KATNAL2: variants seen among roughly 807,000 people sequenced by gnomAD.
The protein encoded by KATNAL2 is katanin catalytic subunit A1 like 2.
In KATNAL2, 52 loss-of-function variants were observed where a neutral mutation model predicts 76.3. The ratio of observed to expected loss-of-function variants is 0.68; its 90% CI spans 0.55 to 0.86. The LOEUF is 0.86. KATNAL2 is among the 40% of genes least tolerant of loss of function. The pLI, the probability that KATNAL2 is intolerant of heterozygous loss-of-function variation, is 0.00. For synonymous variants in KATNAL2, 243 were observed against 244.2 expected (o/e 1.00, Z 0.05); for missense variants, 660 against 668.9 (o/e 0.99, Z 0.15).
intron 14 of KATNAL2, among the ~76,000 whole-genome samples, chr18:47,076,902 C>T (rs1013266971): frequency 6.6e-6 from 1 of 151,284 alleles, no homozygotes; most frequent in Non-Finnish European, 1.5e-5. Context: ...AAAACATATA[C>T]CTAGCCAGGC....
chr18:46,946,864 C>T lies in KATNAL2; in HGVS notation c.-9C>T, dbSNP rs377608846. ...TTCTCCCTTCTCTAGGGTCCTAGCA[C>T]AGTGTCTGATGGAGCTTTCCTACCA... On this transcript the variant is annotated 5_prime_UTR_variant, in exon 3 of 18. Transcript: ENST00000683218. 1.3e-4 allele frequency: 192 copies of T among 1,535,706 alleles called. No individual in the cohort carries two copies. Among genetic ancestry groups the T allele is most frequent in the Middle Eastern group, 6.7e-4 (4 of 5,958 alleles).
chr18:46,952,806 T>C (rs1053818282), intron 3 of KATNAL2, among the ~76,000 whole-genome samples: 1 of 151,962 alleles, frequency 6.6e-6, no homozygotes, highest in African/African-American at 2.4e-5. Context: ...CTTTCCTTCC[T>C]GCCTGCCTTT....
intron 13 of KATNAL2, among the ~76,000 whole-genome samples, chr18:47,072,850 A>T (rs1242716353): frequency 1.3e-5 from 2 of 152,228 alleles, no homozygotes; most frequent in Non-Finnish European, 2.9e-5. Flanking sequence ...ACTATTATAG[A>T]TAAAGCATGT....
At chr18:47,067,652 G>C in intron 11 of KATNAL2, among the ~76,000 whole-genome samples, 1 of 152,028 alleles carries the variant, frequency 6.6e-6, no homozygotes, top group East Asian at 1.9e-4. Flanking sequence ...TTACAAACTG[G>C]GTAGAAAAAT....
chr18:47,032,942 C>A, intron 3 of KATNAL2: 2 of 1,612,006 alleles, frequency 1.2e-6, no homozygotes, highest in Non-Finnish European at 1.7e-6. Context: ...TTCCCCAACC[C>A]GCATTGACTT....
chr18:47,034,668 G>C, intron 3 of KATNAL2: 3 of 1,613,602 alleles, frequency 1.9e-6, no homozygotes, highest in Non-Finnish European at 2.5e-6. Context: ...CCTGAGCCGC[G>C]TGAGTGTGGC....
chr18:47,054,532 C>A, intron 6 of KATNAL2, 94 bp downstream of exon 6: 3 of 1,251,618 alleles, frequency 2.4e-6, no homozygotes, highest in Non-Finnish European at 3.5e-6. Flanking sequence ...CTGTGACTGT[C>A]TCCCAGCAAT....
chr18:46,920,656 A>G (rs1458823048), intron 1 of KATNAL2, among the ~76,000 whole-genome samples: 2 of 152,218 alleles, frequency 1.3e-5, no homozygotes, highest in Non-Finnish European at 1.5e-5. Context: ...ATACTCCCCA[A>G]TAATCATTCA....
At chr18:47,069,174 C>T in intron 11 of KATNAL2, 46 bp from the exon 12 acceptor site, 1 of 1,327,572 alleles carries the variant, frequency 7.5e-7, no homozygotes, top group Non-Finnish European at 1.1e-6. Flanking sequence ...AGTATGCAGG[C>T]TGATGTGTTG....
chr18:47,077,512 T>G (rs1424184242), intron 15 of KATNAL2, 51 bp downstream of exon 15: 1 of 1,364,376 alleles, frequency 7.3e-7, no homozygotes, highest in Non-Finnish European at 1.0e-6. Flanking sequence ...AGTCACTAAG[T>G]GCAAATAAAA....
chr18:47,058,230 C>T lies in KATNAL2; in HGVS notation c.333-5C>T. Reference sequence around the variant, plus strand: ...TTCTTCCAAGGTCTTTGTTCCCTCCCTTAGGATGATGAACGACAGTTGTCA... The same window carrying T: ...TTCTTCCAAGGTCTTTGTTCCCTCCTTTAGGATGATGAACGACAGTTGTCA... On this transcript the variant is annotated splice_region_variant and splice_polypyrimidine_tract_variant and intron_variant, in intron 6 of 17. Coordinates refer to ENST00000683218, the MANE Select transcript of KATNAL2 (RefSeq NM_001387690.1). 1.9e-6 allele frequency: 3 copies of T among 1,599,182 alleles called. No individual in the cohort carries two copies. The highest frequency in any genetic ancestry group is 2.6e-6 in the Non-Finnish European group (3 of 1,166,434).
At chr18:47,051,508 C>CT (rs1380976929) in intron 4 of KATNAL2, among the ~76,000 whole-genome samples, 10 of 151,552 alleles carry the variant, frequency 6.6e-5, no homozygotes, top group African/African-American at 2.4e-4. Context: ...GCAGAATTTT[C>CT]TTTTGATTTA....
chr18:46,949,866 C>A (rs1296486100), intron 3 of KATNAL2, among the ~76,000 whole-genome samples: 1 of 152,068 alleles, frequency 6.6e-6, no homozygotes, highest in Non-Finnish European at 1.5e-5. Flanking sequence ...TTGGTTTTTG[C>A]CTCTCTTCAG....
chr18:47,076,755 A>C (rs2062244272), intron 14 of KATNAL2, among the ~76,000 whole-genome samples: 1 of 149,190 alleles, frequency 6.7e-6, no homozygotes, highest in African/African-American at 2.4e-5. Flanking sequence ...TATATGGGCA[A>C]ATGCTAATTA....
chr18:46,932,252 CA>C (rs1002341401), intron 1 of KATNAL2, among the ~76,000 whole-genome samples: 57 of 152,176 alleles, frequency 3.7e-4, no homozygotes, highest in African/African-American at 1.3e-3. Context: ...AAGACAATAA[CA>C]AAATTTACAT....
chr18:46,946,807 G>T (rs1487210429), intron 2 of KATNAL2, 47 bp from the exon 3 acceptor site: 1 of 1,487,282 alleles, frequency 6.7e-7, no homozygotes, highest in East Asian at 2.5e-5. Flanking sequence ...AGGTTCCTTG[G>T]ATCGACCGGT....
intron 6 of KATNAL2, 65 bp from the exon 7 acceptor site, chr18:47,058,170 T>A: frequency 2.8e-6 from 3 of 1,088,518 alleles, no homozygotes; most frequent in Non-Finnish European, 2.8e-6. Context: ...TAAGAATAGT[T>A]GTTTAACTAC....
Position 47,101,262 on chromosome 18 carries a change from C to A in KATNAL2, c.*257C>A. The stretch of plus-strand genomic sequence containing the variant: ...GGTCATACAATGGAGATTTTTCTGA[C>A]AATTAGACTCCATAAAATTTTAATG... On this transcript the variant is annotated 3_prime_UTR_variant, in exon 18 of 18. Coordinates refer to ENST00000683218, the MANE Select transcript of KATNAL2 (RefSeq NM_001387690.1). 1 of 340,520 alleles carries A rather than the reference C, an allele frequency of 2.9e-6. No homozygotes were observed. Among genetic ancestry groups the A allele is most frequent in the Non-Finnish European group, 5.5e-6 (1 of 182,736 alleles). 21.1% of individuals were successfully genotyped at this position (340,520 alleles called of 1,614,324 possible).
intron 3 of KATNAL2, among the ~76,000 whole-genome samples, chr18:46,955,140 C>CTCTT (rs71162828): frequency 0.097 from 8,233 of 84,978 alleles, 497 homozygotes; most frequent in South Asian, 0.16. Flanking sequence ...CTTTCTCTCT[C>CTCTT]TCTTTCTTTC....
Sources: allele counts gnomAD v4.1 joint callset (sites outside exome capture counted in the v4.1 genomes callset), GRCh38; gene constraint gnomAD v4.1.1; transcripts MANE v1.5; gene names NCBI Gene and HGNC (gene_info 2026-07-23, HGNC 2026-07-21).